Variants in SASS6 observed in about 807,000 individuals in gnomAD.
The protein encoded by SASS6 is SAS-6 centriolar assembly protein.
Under a neutral mutation model 94.9 loss-of-function variants are expected in SASS6, and 59 were observed. The observed-to-expected ratio is 0.62, with a 90% CI of 0.50 to 0.77. The LOEUF is 0.77. SASS6 is among the 30% of genes least tolerant of loss of function. The pLI is 0.00. For missense variants in SASS6, 698 were observed against 734.1 expected, an observed-to-expected ratio of 0.95 and a Z score of 0.57; for synonymous variants, 264 against 270.0, an observed-to-expected ratio of 0.98 and a Z score of 0.22.
chr1:100,122,339 T>C, intron 4 of SASS6, 41 bp downstream of exon 4: 2 of 873,772 alleles, frequency 2.3e-6, no homozygotes, highest in Non-Finnish European at 3.7e-6. Context: ...AGAGTCTGTC[T>C]TGAATTAAAT....
At chr1:100,100,024 G>C (rs183709953) in intron 14 of SASS6, among the ~76,000 whole-genome samples, 72 of 152,246 alleles carry the variant, frequency 4.7e-4, no homozygotes, top group Admixed American at 2.4e-3. Flanking sequence ...CCCACCACTT[G>C]GGAGGCCGAG....
chr1:100,101,941 CAA>C (rs1652524203), intron 14 of SASS6, among the ~76,000 whole-genome samples: 1 of 152,138 alleles, frequency 6.6e-6, no homozygotes, highest in South Asian at 2.1e-4. Flanking sequence ...ATACCAGTTT[CAA>C]AGTCCTCAAT....
At chr1:100,130,815 G>T (rs898531846) in intron 1 of SASS6, among the ~76,000 whole-genome samples, 1 of 152,142 alleles carries the variant, frequency 6.6e-6, no homozygotes, top group African/African-American at 2.4e-5. Flanking sequence ...GGGCCATAAG[G>T]TCTCTGTCAC....
At position 100,119,060 on chromosome 1, in the gene SASS6, CTTGT is replaced by C; in HGVS notation, c.623_626del (p.Asn208SerfsTer6). The C allele has an allele frequency of 1.9e-6, 3 of 1,590,894 alleles. No individual in the cohort carries two copies. The highest frequency in any genetic ancestry group is 2.6e-6 in the Non-Finnish European group (3 of 1,165,338). On this transcript the variant is annotated frameshift_variant, in exon 7 of 17. Transcript: ENST00000287482. LOFTEE classifies it high-confidence loss of function. ...TTTCATTTGTCAGTTCCTGAGAATGCTTGTTTGTCAAGGCTGCTGTATGTGACGC... is the reference window on the plus strand; with the variant it reads ...TTTCATTTGTCAGTTCCTGAGAATGCTTGTCAAGGCTGCTGTATGTGACGC...
Position 100,085,448 on chromosome 1 carries a change from CA to C in SASS6, c.1868-15del, listed in dbSNP as rs1398205761. The C allele has an allele frequency of 3.8e-6, 6 of 1,584,390 alleles. No homozygotes were observed. The highest frequency in any genetic ancestry group is 1.4e-5 in the African/African-American group (1 of 73,686). On this transcript the variant is annotated splice_polypyrimidine_tract_variant and intron_variant, in intron 16 of 16. Coordinates refer to ENST00000287482, the MANE Select transcript of SASS6 (RefSeq NM_194292.3). Reference sequence around the variant, plus strand: ...CTCTCTGATGGTCTGCAAATGAGGACAAAAAAAGGTTACTGGTATTCATTAA... The same window carrying C: ...CTCTCTGATGGTCTGCAAATGAGGACAAAAAAGGTTACTGGTATTCATTAA...
At chr1:100,096,296 C>G (rs995555322) in intron 14 of SASS6, among the ~76,000 whole-genome samples, 1 of 152,136 alleles carries the variant, frequency 6.6e-6, no homozygotes, top group Non-Finnish European at 1.5e-5. Context: ...GAGAAAAAGA[C>G]TTTTCATAAA....
At chr1:100,121,006 C>T (rs1389169446) in intron 5 of SASS6, among the ~76,000 whole-genome samples, 3 of 147,810 alleles carry the variant, frequency 2.0e-5, no homozygotes, top group Non-Finnish European at 3.0e-5. Flanking sequence ...GCCGAGATCC[C>T]GCCACTGCAC....
chr1:100,095,427 G>A (rs1430443317), intron 14 of SASS6, among the ~76,000 whole-genome samples: 2 of 152,150 alleles, frequency 1.3e-5, no homozygotes, highest in Non-Finnish European at 2.9e-5. Flanking sequence ...CAGTTACTAG[G>A]GAGGCTGAGG....
intron 7 of SASS6, among the ~76,000 whole-genome samples, chr1:100,118,602 T>C (rs938860942): frequency 2.0e-5 from 3 of 152,158 alleles, no homozygotes; most frequent in African/African-American, 4.8e-5. Context: ...AAAAAATGAA[T>C]ACTCTGCAGT....
rs1353099991 is a variant in SASS6 at position 100,103,103 on chromosome 1, G to A, written c.1546-20C>T. Reference sequence around the variant, plus strand: ...ATCAACCTAAAAATAAAAACATAAAGATGATTAAAGATGATAAATTAATTC... The same window carrying A: ...ATCAACCTAAAAATAAAAACATAAAAATGATTAAAGATGATAAATTAATTC... On this transcript the variant is annotated intron_variant, in intron 13 of 16. Transcript: ENST00000287482. 4.1e-6 allele frequency: 6 copies of A among 1,467,182 alleles called. No homozygotes were observed. Among genetic ancestry groups the A allele is most frequent in the Non-Finnish European group, 5.6e-6 (6 of 1,063,312 alleles). 90.9% of individuals were successfully genotyped at this position (1,467,182 alleles called of 1,614,324 possible).
chr1:100,127,366 T>A (rs140068675), intron 1 of SASS6, among the ~76,000 whole-genome samples: 6 of 152,338 alleles, frequency 3.9e-5, no homozygotes, highest in African/African-American at 1.4e-4. Flanking sequence ...TGAGTACTGA[T>A]AGGAAAACTT....
At chr1:100,118,421 CTT>C (rs2101680749) in intron 7 of SASS6, among the ~76,000 whole-genome samples, 1 of 152,180 alleles carries the variant, frequency 6.6e-6, no homozygotes, top group African/African-American at 2.4e-5. Context: ...TTGGTTTAGT[CTT>C]TTTGGGTGGC....
chr1:100,092,546 T>C (rs1172020036), intron 14 of SASS6, among the ~76,000 whole-genome samples: 3 of 151,980 alleles, frequency 2.0e-5, no homozygotes, highest in Admixed American at 6.6e-5. Flanking sequence ...AACGAACTAG[T>C]CTTCTCCACT....
intron 1 of SASS6, among the ~76,000 whole-genome samples, chr1:100,131,057 TAGG>T (rs1306335595): frequency 1.3e-5 from 2 of 152,250 alleles, no homozygotes; most frequent in Non-Finnish European, 2.9e-5. Flanking sequence ...AGAGACCATC[TAGG>T]AGTTTCCATA....
At chr1:100,106,760 G>A (rs112042628) in intron 12 of SASS6, 152 bp downstream of exon 12, 17 of 517,408 alleles carry the variant, frequency 3.3e-5, no homozygotes, top group African/African-American at 1.2e-4. Context: ...GGGCTGAGGC[G>A]GGAGGATAAC....
intron 1 of SASS6, among the ~76,000 whole-genome samples, chr1:100,129,509 TA>T (rs1265958576): frequency 6.6e-6 from 1 of 152,176 alleles, no homozygotes; most frequent in Non-Finnish European, 1.5e-5. Flanking sequence ...AAGGCCCAAA[TA>T]ATGGTTTAAG....
intron 11 of SASS6, 88 bp downstream of exon 11, chr1:100,107,282 AGACC>A: frequency 1.3e-6 from 1 of 782,356 alleles, no homozygotes; most frequent in Non-Finnish European, 2.1e-6. Flanking sequence ...AAAAAAAACA[AGACC>A]AAAGCCATTT....
intron 6 of SASS6, 133 bp downstream of exon 6, chr1:100,120,261 T>TG (rs2101683527): frequency 1.7e-6 from 1 of 592,752 alleles, no homozygotes; most frequent in South Asian, 2.2e-5. Context: ...AGTTGAAGGG[T>TG]GGCAAAGAGG....
chr1:100,095,536 AT>A (rs1268310368), intron 14 of SASS6, among the ~76,000 whole-genome samples: 2 of 152,228 alleles, frequency 1.3e-5, no homozygotes, highest in Non-Finnish European at 2.9e-5. Context: ...GTCTCAAAAA[AT>A]AAATAAATAA....
Sources: allele counts gnomAD v4.1 joint callset (sites outside exome capture counted in the v4.1 genomes callset), GRCh38; gene constraint gnomAD v4.1.1; transcripts MANE v1.5; gene names NCBI Gene and HGNC (gene_info 2026-07-23, HGNC 2026-07-21).